Variants in TRIM2 observed in about 807,000 individuals in gnomAD.
TRIM2 encodes the protein tripartite motif-containing protein 2.
A neutral mutation model predicts 75.2 loss-of-function variants in TRIM2; 20 were observed. The observed-to-expected ratio is 0.27, with a 90% CI of 0.19 to 0.39. The LOEUF is 0.39. TRIM2 is among the 10% of genes least tolerant of loss of function. The pLI, the probability that TRIM2 is intolerant of heterozygous loss-of-function variation, is 1.00. For missense variants in TRIM2, 660 were observed against 990.8 expected (o/e 0.67, Z 4.48); for synonymous variants, 373 against 388.3 (o/e 0.96, Z 0.46).
intron 3 of TRIM2, among the ~76,000 whole-genome samples, chr4:153,276,598 A>G (rs1314772121): frequency 1.3e-5 from 2 of 152,374 alleles, no homozygotes; most frequent in East Asian, 1.9e-4. Context: ...TAGATTATAG[A>G]TTATGAATTC....
chr4:153,262,691 G>A (rs1008460097), intron 1 of TRIM2, among the ~76,000 whole-genome samples: 4 of 152,110 alleles, frequency 2.6e-5, no homozygotes, highest in African/African-American at 9.7e-5. Context: ...GTTTTATAAA[G>A]GTAGTTTTGA....
chr4:153,200,147 G>T (rs1413864717), upstream of TRIM2, among the ~76,000 whole-genome samples: 1 of 152,022 alleles, frequency 6.6e-6, no homozygotes, highest in African/African-American at 2.4e-5. Flanking sequence ...CTCCATGTTG[G>T]CCAGGTTGGT....
chr4:153,275,944 G>A lies in TRIM2; in HGVS notation c.267G>A (p.Val89=), dbSNP rs1234234790. ...PAHSLTLSCP[V]CRQTSILPEK... ...ACAGTTTAACCCTCTCCTGCCCAGT[G>A]TGCCGCCAGACCTCCATCCTGCCCG... The change falls in exon 3 of 12, where the codon GTG becomes GTA. Residue 89 remains valine, a synonymous_variant. Coordinates refer to ENST00000338700, the MANE Select transcript of TRIM2 (RefSeq NM_015271.5). The A allele has an allele frequency of 6.2e-7, 1 of 1,614,170 alleles. No individual in the cohort carries two copies.
Position 153,335,129 on chromosome 4 carries a change from A to G in TRIM2, c.*163A>G. On this transcript the variant is annotated 3_prime_UTR_variant, in exon 12 of 12. Transcript: ENST00000338700. ...GTAACAATTTCCTTAAAAATGACTTATCCAATTTCTGTATTTCACCTTTAG... is the reference window on the plus strand; with the variant it reads ...GTAACAATTTCCTTAAAAATGACTTGTCCAATTTCTGTATTTCACCTTTAG... 7.7e-7 allele frequency: 1 copy of G among 1,292,364 alleles called. No homozygotes were observed. The highest frequency in any genetic ancestry group is 9.8e-7 in the Non-Finnish European group (1 of 1,016,854). The allele number at this position is 1,292,364 out of a possible 1,614,324, so 80.1% of individuals were successfully genotyped here. A position where few individuals can be genotyped will look rare whatever the true frequency, so the allele number is the denominator to read the frequency against.
At chr4:153,291,153 G>C (rs1025308223) in intron 3 of TRIM2, among the ~76,000 whole-genome samples, 4 of 152,168 alleles carry the variant, frequency 2.6e-5, no homozygotes, top group Non-Finnish European at 5.9e-5. Flanking sequence ...CTTGGACATG[G>C]TTTGAATGAC....
intron 1 of TRIM2, among the ~76,000 whole-genome samples, chr4:153,181,239 A>G (rs1164340766): frequency 2.6e-5 from 4 of 152,016 alleles, no homozygotes; most frequent in Non-Finnish European, 1.5e-5. Flanking sequence ...TGACTTGTCC[A>G]GGTCTCACAG....
chr4:153,173,605 G>C (rs1300439429), intron 1 of TRIM2, among the ~76,000 whole-genome samples: 1 of 151,356 alleles, frequency 6.6e-6, no homozygotes, highest in Non-Finnish European at 1.5e-5. Context: ...GGAGGTTGCA[G>C]TGAGCCGAGA....
rs537072246 is a variant in TRIM2, at chr4:153,308,768, A to G, written c.1511-6717A>G. ...ATTTCATGAACAGCAGATATTTTGA[A>G]GGAAGCTGGGCTGGGCACCAAGACC... On this transcript the variant is annotated intron_variant, in intron 6 of 11. Coordinates refer to ENST00000338700, the MANE Select transcript of TRIM2 (RefSeq NM_015271.5). 1.1e-5 allele frequency: 6 copies of G among 523,404 alleles called. No individual in the cohort carries two copies. The African/African-American group carries it at 1.2e-4, about 10-fold the overall frequency. The allele number at this position is 523,404 out of a possible 1,614,324, so 32.4% of individuals were successfully genotyped here. A position where few individuals can be genotyped will look rare whatever the true frequency, so the allele number is the denominator to read the frequency against.
At chr4:153,331,745 T>C (rs1430992867) in intron 11 of TRIM2, among the ~76,000 whole-genome samples, 2 of 152,214 alleles carry the variant, frequency 1.3e-5, no homozygotes, top group African/African-American at 4.8e-5. Flanking sequence ...GCTATATGAC[T>C]TACTATATAG....
At chr4:153,201,846 C>T (rs898570845), upstream of TRIM2, among the ~76,000 whole-genome samples, 1 of 152,078 alleles carries the variant, frequency 6.6e-6, no homozygotes, top group African/African-American at 2.4e-5. Context: ...GTGTCCTCAA[C>T]CTTGGAAAAA....
chr4:153,271,332 T>TA (rs1756621458), intron 2 of TRIM2, among the ~76,000 whole-genome samples: 1 of 152,256 alleles, frequency 6.6e-6, no homozygotes, highest in South Asian at 2.1e-4. Context: ...TAAAATGCTT[T>TA]ACTTCCTGTG....
chr4:153,272,925 C>T (rs1008601351), intron 2 of TRIM2, among the ~76,000 whole-genome samples: 5 of 152,272 alleles, frequency 3.3e-5, no homozygotes, highest in Middle Eastern at 3.4e-3. Context: ...CCGCAACTTC[C>T]GCCTCCTGGG....
intron 1 of TRIM2, among the ~76,000 whole-genome samples, chr4:153,220,417 C>A (rs1374913279): frequency 1.3e-5 from 2 of 152,104 alleles, no homozygotes; most frequent in Non-Finnish European, 2.9e-5. Context: ...CAGACTAACT[C>A]TAGTTAGTCT....
intron 1 of TRIM2, among the ~76,000 whole-genome samples, chr4:153,249,004 G>C (rs150672581): frequency 5.8e-4 from 89 of 152,360 alleles, no homozygotes; most frequent in South Asian, 2.1e-3. Flanking sequence ...ACGGGAAAAG[G>C]CCACAGTCGG....
In TRIM2 at chr4:153,337,870, A is replaced by T. The variant is rs1039313145; in HGVS notation, c.*2904A>T. 1 of 985,722 alleles carries T rather than the reference A, an allele frequency of 1.0e-6. No individual in the cohort carries two copies. Among genetic ancestry groups the T allele is most frequent in the African/African-American group, 1.7e-5 (1 of 57,236 alleles). The allele number at this position is 985,722 out of a possible 1,614,324, so 61.1% of individuals were successfully genotyped here. ...TATTGCCGGTTGGGATTTCAAGGTC[A>T]GTGACGACGCATTTCCTCCCAGTAC... On this transcript the variant is annotated 3_prime_UTR_variant, in exon 12 of 12. Transcript: ENST00000338700.
chr4:153,276,515 A>G (rs1189191730), intron 3 of TRIM2, among the ~76,000 whole-genome samples: 1 of 152,228 alleles, frequency 6.6e-6, no homozygotes, highest in African/African-American at 2.4e-5. Context: ...TTGGGAGGGA[A>G]ATTTTCTCAT....
chr4:153,295,614 GGC>G lies in TRIM2; in HGVS notation c.1089_1090del (p.Gln364AspfsTer19). ...ACAGTGGCCACGGGCGAGGGGCTGCGGCAGACCATCATCGGGCAGCCCATGTC... is the reference window on the plus strand; with the variant it reads ...ACAGTGGCCACGGGCGAGGGGCTGCGAGACCATCATCGGGCAGCCCATGTC... On this transcript the variant is annotated frameshift_variant, in exon 6 of 12. Transcript: ENST00000338700. LOFTEE classifies it high-confidence loss of function. This position sits in a 1 kb window ranked among gnomAD's most constrained non-coding sequence, Gnocchi z 7.2. The G allele has an allele frequency of 6.2e-7, 1 of 1,613,954 alleles. No individual in the cohort carries two copies. Among genetic ancestry groups the G allele is most frequent in the East Asian group, 2.2e-5 (1 of 44,856 alleles).
intron 1 of TRIM2, among the ~76,000 whole-genome samples, chr4:153,239,990 C>T (rs72965056): frequency 0.053 from 8,095 of 152,052 alleles, 546 homozygotes; most frequent in African/African-American, 0.16. Flanking sequence ...ACGCGCCACA[C>T]GCCCAGCTAA....
At chr4:153,249,521 C>T (rs1438239084) in intron 1 of TRIM2, among the ~76,000 whole-genome samples, 1 of 152,212 alleles carries the variant, frequency 6.6e-6, no homozygotes, top group Non-Finnish European at 1.5e-5. Context: ...AAGTAATCCA[C>T]TATCTGGGAC....
Sources: gnomAD v4.1 joint callset for allele counts (sites outside exome capture counted in the v4.1 genomes callset) on GRCh38, gnomAD v4.1.1 for gene constraint, Gnocchi (gnomAD v3.1) non-coding constraint, MANE v1.5 for transcripts, NCBI Gene and HGNC (gene_info 2026-07-23, HGNC 2026-07-21) for gene names.